The following ZNRF1 variants were observed in gnomAD, a reference collection of about 807,000 sequenced individuals.
ZNRF1 encodes zinc and ring finger 1.
A neutral mutation model predicts 18.4 loss-of-function variants in ZNRF1; 3 were observed. The observed-to-expected ratio is 0.16, with a 90% confidence interval of 0.07 to 0.42. ZNRF1 has a LOEUF of 0.42. ZNRF1 is among the 10% of genes least tolerant of loss of function. The probability of loss-of-function intolerance (pLI) is 0.99; values close to 1 mark genes in which losing one functional copy is unlikely to be tolerated. For missense variants in ZNRF1, 310 were observed against 329.8 expected, an observed-to-expected ratio of 0.94 and a Z score of 0.47; for synonymous variants, 157 against 144.2, an observed-to-expected ratio of 1.09 and a Z score of -0.64.
intron 1 of ZNRF1, among the ~76,000 whole-genome samples, chr16:75,011,361 T>C (rs2034997394): frequency 6.6e-6 from 1 of 152,228 alleles, no homozygotes; most frequent in Admixed American, 6.5e-5. Flanking sequence ...TAACAGCATT[T>C]AAGTCAGCTT....
chr16:75,047,584 G>A (rs944781637), intron 1 of ZNRF1, among the ~76,000 whole-genome samples: 1 of 152,216 alleles, frequency 6.6e-6, no homozygotes, highest in African/African-American at 2.4e-5. Context: ...GCATGTGGAG[G>A]AGTGCTGTTG....
At chr16:75,092,964 A>G (rs1396166737) in intron 1 of ZNRF1, among the ~76,000 whole-genome samples, 1 of 152,218 alleles carries the variant, frequency 6.6e-6, no homozygotes, top group Non-Finnish European at 1.5e-5. Flanking sequence ...CACCAGACCC[A>G]TCTGAGAAAG....
chr16:75,091,640 C>T (rs2036141410), intron 1 of ZNRF1, among the ~76,000 whole-genome samples: 1 of 151,614 alleles, frequency 6.6e-6, no homozygotes, highest in Non-Finnish European at 1.5e-5. Context: ...TCAAGCCATC[C>T]TCCCACCTCA....
intron 1 of ZNRF1, among the ~76,000 whole-genome samples, chr16:75,016,058 C>G (rs1370595775): frequency 7.1e-6 from 1 of 140,288 alleles, no homozygotes. Context: ...GTAGCTGGGA[C>G]TACAGGCGCC....
intron 1 of ZNRF1, among the ~76,000 whole-genome samples, chr16:75,065,660 C>T (rs2035793940): frequency 6.6e-6 from 1 of 152,222 alleles, no homozygotes; most frequent in Non-Finnish European, 1.5e-5. Context: ...GGTGTGTACA[C>T]TCAGAAATGT....
At chr16:75,007,152 G>A (rs8063935) in intron 1 of ZNRF1, among the ~76,000 whole-genome samples, 3,208 of 151,996 alleles carry the variant, frequency 0.021, 136 homozygotes, top group African/African-American at 0.074. Context: ...CAGCCTGTAG[G>A]GCTCAAGCGA....
At chr16:75,077,629 A>C (rs571541102) in intron 1 of ZNRF1, among the ~76,000 whole-genome samples, 4 of 152,330 alleles carry the variant, frequency 2.6e-5, no homozygotes, top group Admixed American at 1.3e-4. Flanking sequence ...GCAAATATCC[A>C]CAAATTTGAC....
At chr16:75,095,577 TAG>T in intron 2 of ZNRF1, 1 of 1,530,056 alleles carries the variant, frequency 6.5e-7, no homozygotes, top group Non-Finnish European at 8.8e-7. Context: ...GCGTTCTCTG[TAG>T]ACACTGCGTT....
At chr16:75,032,882 A>G (rs1162748627) in intron 1 of ZNRF1, among the ~76,000 whole-genome samples, 1 of 152,120 alleles carries the variant, frequency 6.6e-6, no homozygotes, top group Non-Finnish European at 1.5e-5. Flanking sequence ...GCATGGTGGT[A>G]TATGCCTGTA....
intron 1 of ZNRF1, among the ~76,000 whole-genome samples, chr16:75,080,509 G>A (rs2035996963): frequency 6.6e-6 from 1 of 152,170 alleles, no homozygotes; most frequent in Admixed American, 6.5e-5. Flanking sequence ...AGCCAGTAGG[G>A]TGGACAGTAG....
At chr16:75,076,433 C>T (rs1380646500) in intron 1 of ZNRF1, among the ~76,000 whole-genome samples, 1 of 152,066 alleles carries the variant, frequency 6.6e-6, no homozygotes, top group Non-Finnish European at 1.5e-5. Context: ...AATGAGAGCT[C>T]TGTGGCCTCC....
At chr16:75,055,626 G>A (rs1195651178) in intron 1 of ZNRF1, among the ~76,000 whole-genome samples, 2 of 152,166 alleles carry the variant, frequency 1.3e-5, no homozygotes, top group African/African-American at 4.8e-5. Flanking sequence ...CCAGCTGCCT[G>A]CCTGGAAGAA....
At chr16:75,007,049 C>G (rs2034928344) in intron 1 of ZNRF1, among the ~76,000 whole-genome samples, 1 of 145,066 alleles carries the variant, frequency 6.9e-6, no homozygotes, top group Non-Finnish European at 1.5e-5. Flanking sequence ...AGCAAATAAC[C>G]AAGTTTAATC....
chr16:75,002,923 G>A (rs150970814), intron 1 of ZNRF1, among the ~76,000 whole-genome samples: 1 of 152,268 alleles, frequency 6.6e-6, no homozygotes, highest in African/African-American at 2.4e-5. Context: ...GGCCCCTCCG[G>A]TTATTCTCTC....
intron 1 of ZNRF1, among the ~76,000 whole-genome samples, chr16:75,039,119 C>T (rs1026031940): frequency 1.3e-5 from 2 of 151,932 alleles, no homozygotes; most frequent in African/African-American, 4.8e-5. Flanking sequence ...ATTAATAGTT[C>T]CTATAGATCT....
chr16:75,028,443 G>A (rs1401394293), intron 1 of ZNRF1, among the ~76,000 whole-genome samples: 6 of 152,084 alleles, frequency 3.9e-5, no homozygotes, highest in Non-Finnish European at 7.4e-5. Context: ...ACAACCATGT[G>A]CCATCACACC....
intron 2 of ZNRF1, among the ~76,000 whole-genome samples, chr16:75,099,437 C>T (rs2036232457): frequency 6.6e-6 from 1 of 152,148 alleles, no homozygotes; most frequent in Non-Finnish European, 1.5e-5. Flanking sequence ...GTTTCAGCTC[C>T]AGGGCCGTGC....
chr16:75,096,405 A>G, intron 2 of ZNRF1, among the ~76,000 whole-genome samples: 1 of 152,070 alleles, frequency 6.6e-6, no homozygotes, highest in East Asian at 1.9e-4. Context: ...TCCAGCTCAG[A>G]GAGAGCACAG....
At position 75,016,699 on chromosome 16, in the gene ZNRF1, CTTTTTT is replaced by C. The variant is rs35899706; in HGVS notation, c.424+16619_424+16624del. 1.4e-3 allele frequency among the ~76,000 whole-genome samples: 142 copies of C among 99,496 alleles called. 2 individuals are homozygous for C. The highest frequency in any genetic ancestry group is 5.8e-3 in the African/African-American group (136 of 23,422). 65.3% of individuals were successfully genotyped at this position (99,496 alleles called of 152,430 possible). Reference sequence around the variant, plus strand: ...TACAGGCGTCTGTCACCATGCCTGGCTTTTTTTTTTTTTTTTTTTTGTATGAGTAGA... The same window carrying C: ...TACAGGCGTCTGTCACCATGCCTGGCTTTTTTTTTTTTTTGTATGAGTAGA... On this transcript the variant is annotated intron_variant, in intron 1 of 4. Coordinates refer to ENST00000335325, the MANE Select transcript of ZNRF1 (RefSeq NM_032268.5).
Sources: allele counts gnomAD v4.1 joint callset (sites outside exome capture counted in the v4.1 genomes callset), GRCh38; gene constraint gnomAD v4.1.1; transcripts MANE v1.5; gene names NCBI Gene and HGNC (gene_info 2026-07-23, HGNC 2026-07-21).